ZDHHC15: variants seen among roughly 807,000 people sequenced by gnomAD.
ZDHHC15 encodes palmitoyltransferase ZDHHC15.
In ZDHHC15, 19 loss-of-function variants were observed where a neutral mutation model predicts 31.7. That is an observed-to-expected ratio of 0.60 (90% CI 0.42 to 0.88). The LOEUF (loss-of-function observed/expected upper bound fraction) is 0.88, where lower values mean the gene tolerates loss of function less well. Among genes scored for constraint, ZDHHC15 ranks in the 40% least tolerant of loss-of-function variants. The pLI, the probability that ZDHHC15 is intolerant of heterozygous loss-of-function variation, is 0.00. For missense variants in ZDHHC15, 209 were observed against 251.2 expected (o/e 0.83, Z 1.14); for synonymous variants, 103 against 90.0 (o/e 1.14, Z -0.82).
At chrX:75,480,886 T>A (rs1225497476) in intron 2 of ZDHHC15, among the ~76,000 whole-genome samples, 1 of 111,697 alleles carries the variant, frequency 9.0e-6, no homozygotes, top group Non-Finnish European at 1.9e-5. Context: ...AAAAAGCATG[T>A]CTTTTTGTAG....
chrX:75,491,838 T>C (rs746235175), intron 2 of ZDHHC15, among the ~76,000 whole-genome samples: 4 of 111,297 alleles, frequency 3.6e-5, no homozygotes, highest in Admixed American at 9.6e-5. Flanking sequence ...TGCAAAAACA[T>C]GCCAAATTGT....
rs761112684 is a variant in ZDHHC15 at position 75,431,352 on chromosome X, C to A, written c.449+99G>T. ...CTCATTATAATTGAAAGGAAATGCTCTTATCTAGGTATGATTACATGTTAG... is the reference window on the plus strand; with the variant it reads ...CTCATTATAATTGAAAGGAAATGCTATTATCTAGGTATGATTACATGTTAG... On this transcript the variant is annotated intron_variant, in intron 5 of 11. Transcript: ENST00000373367. 13 of 789,999 alleles carry A rather than the reference C, an allele frequency of 1.6e-5. No individual in the cohort carries two copies. The Admixed American group carries it at 4.2e-4, about 26-fold the overall frequency. 65.1% of individuals were successfully genotyped at this position (789,999 alleles called of 1,213,427 possible).
intron 2 of ZDHHC15, among the ~76,000 whole-genome samples, chrX:75,492,733 T>C (rs1051053737): frequency 9.0e-6 from 1 of 111,348 alleles, no homozygotes; most frequent in Non-Finnish European, 1.9e-5. Context: ...TTGAAACCAA[T>C]GAGAACAAAG....
At chrX:75,497,240 A>T (rs1302021740) in intron 2 of ZDHHC15, among the ~76,000 whole-genome samples, 1 of 111,620 alleles carries the variant, frequency 9.0e-6, no homozygotes, top group Non-Finnish European at 1.9e-5. Context: ...CCTAGAGGAG[A>T]TGGATAAATT....
At chrX:75,511,734 C>T (rs1310793251) in intron 1 of ZDHHC15, among the ~76,000 whole-genome samples, 11 of 95,913 alleles carry the variant, frequency 1.1e-4, no homozygotes, top group South Asian at 5.7e-4. Context: ...ACCATTCCTT[C>T]TGAAACTATT....
At chrX:75,403,198 T>G (rs920754285) in intron 10 of ZDHHC15, among the ~76,000 whole-genome samples, 1 of 111,569 alleles carries the variant, frequency 9.0e-6, no homozygotes, top group Non-Finnish European at 1.9e-5. Context: ...TCCCTTCATG[T>G]TAAAATAACT....
At chrX:75,475,308 A>G (rs1329013318) in intron 3 of ZDHHC15, among the ~76,000 whole-genome samples, 1 of 69,730 alleles carries the variant, frequency 1.4e-5, no homozygotes, top group Admixed American at 2.2e-4. Context: ...CCAATGTTAT[A>G]AAAATATTCC....
intron 3 of ZDHHC15, among the ~76,000 whole-genome samples, chrX:75,473,095 C>T: frequency 8.9e-6 from 1 of 112,024 alleles, no homozygotes; most frequent in Non-Finnish European, 1.9e-5. Context: ...TGCCTCTAAC[C>T]AATGCACTCA....
At chrX:75,400,646 T>C (rs756876139) in intron 10 of ZDHHC15, among the ~76,000 whole-genome samples, 1 of 111,692 alleles carries the variant, frequency 9.0e-6, no homozygotes, top group Non-Finnish European at 1.9e-5. Flanking sequence ...TGCAAGATTC[T>C]ACACAAGAAG....
At chrX:75,424,595 C>A in intron 8 of ZDHHC15, 57 bp downstream of exon 8, 1 of 1,095,185 alleles carries the variant, frequency 9.1e-7, no homozygotes, top group Non-Finnish European at 1.2e-6. Flanking sequence ...GAACAATTCA[C>A]AGGTCCCTCT....
intron 10 of ZDHHC15, among the ~76,000 whole-genome samples, chrX:75,407,193 G>A: frequency 9.0e-6 from 1 of 111,421 alleles, no homozygotes; most frequent in East Asian, 2.9e-4. Context: ...CCCCATCTGG[G>A]AACTGAGGAG....
chrX:75,497,490 C>T (rs975730149), intron 2 of ZDHHC15, among the ~76,000 whole-genome samples: 2 of 111,223 alleles, frequency 1.8e-5, no homozygotes, highest in Non-Finnish European at 3.8e-5. Flanking sequence ...AAGCCAGTAT[C>T]GCCCTAATAC....
chrX:75,438,112 T>C (rs937421137), intron 4 of ZDHHC15, among the ~76,000 whole-genome samples: 21 of 111,774 alleles, frequency 1.9e-4, no homozygotes, highest in African/African-American at 6.2e-4. Flanking sequence ...TGGCAATCAT[T>C]AAAAAGTCAG....
At chrX:75,477,876 A>G (rs777123968) in intron 3 of ZDHHC15, among the ~76,000 whole-genome samples, 4 of 111,973 alleles carry the variant, frequency 3.6e-5, no homozygotes, top group African/African-American at 1.3e-4. Context: ...CTTATTATGA[A>G]TAACTTCTGT....
intron 7 of ZDHHC15, among the ~76,000 whole-genome samples, chrX:75,425,876 A>G (rs746687756): frequency 9.0e-6 from 1 of 110,998 alleles, no homozygotes; most frequent in African/African-American, 3.3e-5. Context: ...AAATATTGGG[A>G]ATCTTCCAGG....
intron 1 of ZDHHC15, among the ~76,000 whole-genome samples, chrX:75,511,691 C>T (rs1274607169): frequency 7.6e-5 from 8 of 104,754 alleles, no homozygotes; most frequent in Admixed American, 2.1e-4. Flanking sequence ...GATTCACAGC[C>T]GAATTCTACC....
At chrX:75,454,595 G>A (rs2084183897) in intron 3 of ZDHHC15, among the ~76,000 whole-genome samples, 1 of 111,173 alleles carries the variant, frequency 9.0e-6, no homozygotes, top group African/African-American at 3.3e-5. Context: ...TCCAGCACCT[G>A]TTGTTTCCTG....
At chrX:75,507,170 C>T (rs900806590) in intron 1 of ZDHHC15, among the ~76,000 whole-genome samples, 2 of 111,359 alleles carry the variant, frequency 1.8e-5, no homozygotes, top group African/African-American at 6.5e-5. Context: ...CACATTTTAG[C>T]TCAGTATTAG....
intron 4 of ZDHHC15, among the ~76,000 whole-genome samples, chrX:75,449,075 C>T (rs772855961): frequency 2.7e-5 from 3 of 110,233 alleles, no homozygotes; most frequent in African/African-American, 6.6e-5. Context: ...GGTTCTCAAA[C>T]CGTTTAACTC....
Sources: gnomAD v4.1 joint callset for allele counts (sites outside exome capture counted in the v4.1 genomes callset) on GRCh38, gnomAD v4.1.1 for gene constraint, MANE v1.5 for transcripts, NCBI Gene and HGNC (gene_info 2026-07-23, HGNC 2026-07-21) for gene names.